USF2: variants seen among roughly 807,000 people sequenced by gnomAD.
USF2 encodes upstream stimulatory factor 2.
Under a neutral mutation model 46.9 loss-of-function variants are expected in USF2, and 16 were observed. The observed-to-expected ratio is 0.34, with a 90% CI of 0.23 to 0.52. The LOEUF (loss-of-function observed/expected upper bound fraction) is 0.52, where lower values mean the gene tolerates loss of function less well. Ranked by LOEUF, USF2 falls within the 20% of genes least tolerant of loss-of-function variation. The pLI, the probability that USF2 is intolerant of heterozygous loss-of-function variation, is 0.96. For missense variants in USF2, 411 were observed against 474.0 expected, an observed-to-expected ratio of 0.87 and a Z score of 1.23; for synonymous variants, 239 against 194.1, an observed-to-expected ratio of 1.23 and a Z score of -1.92.
At chr19:35,269,347 A>G (rs1220938350) in intron 1 of USF2, 99 bp from the exon 2 acceptor site, 4 of 1,017,506 alleles carry the variant, frequency 3.9e-6, no homozygotes, top group Non-Finnish European at 4.8e-6. Flanking sequence ...CCCCGGCCTC[A>G]GGCGCGGCCG....
At position 35,279,253 on chromosome 19, in the gene USF2, G is replaced by A. The variant is rs777016544; in HGVS notation, c.1038G>A (p.Gln346=). The change falls in exon 10 of 10, where the codon CAG becomes CAA. Residue 346 remains glutamine (Q), a synonymous_variant. Coordinates refer to ENST00000222305, the MANE Select transcript of USF2 (RefSeq NM_003367.4). ...NLEMVGEGTR[Q] ...AGATGGTGGGCGAGGGCACCCGGCA[G>A]TGACGCCCGCCACCACCACGCAGCC... The A allele has an allele frequency of 1.3e-6, 2 of 1,524,712 alleles. No homozygotes were observed. Among genetic ancestry groups the A allele is most frequent in the South Asian group, 2.5e-5 (2 of 79,606 alleles). 94.4% of individuals were successfully genotyped at this position (1,524,712 alleles called of 1,614,324 possible).
Position 35,279,426 on chromosome 19 carries a change from A to C in USF2, c.*170A>C. The C allele has an allele frequency of 1.4e-6, 1 of 696,560 alleles. No homozygotes were observed. The allele number at this position is 696,560 out of a possible 1,614,324, so 43.1% of individuals were successfully genotyped here. ...ATGCATTTCTGTGGATACAGTGCCC[A>C]CCGCCCTCCTCCACTTGGAAACGGT... On this transcript the variant is annotated 3_prime_UTR_variant, in exon 10 of 10. Coordinates refer to ENST00000222305, the MANE Select transcript of USF2 (RefSeq NM_003367.4).
In USF2 at chr19:35,269,782, C is replaced by T. The variant is rs770346399; in HGVS notation, c.229-21C>T. ...GGACCTGGCCCCAGCGCCGGCCTCG[C>T]CGCTCTGCCGCCCCCTGCAGGTGAC... On this transcript the variant is annotated intron_variant, in intron 3 of 9. Coordinates refer to ENST00000222305, the MANE Select transcript of USF2 (RefSeq NM_003367.4). 52 of 1,489,562 alleles carry T rather than the reference C, an allele frequency of 3.5e-5. No individual in the cohort carries two copies. The East Asian group carries it at 4.7e-4, about 13-fold the overall frequency. 92.3% of individuals were successfully genotyped at this position (1,489,562 alleles called of 1,614,324 possible).
At chr19:35,270,986 C>T (rs747545252) in intron 6 of USF2, 97 bp from the exon 7 acceptor site, 17 of 1,530,790 alleles carry the variant, frequency 1.1e-5, no homozygotes, top group African/African-American at 2.8e-5. Context: ...GATGGATTTA[C>T]CTTGCAAAGA....
intron 4 of USF2, chr19:35,270,213 T>C: frequency 1.2e-6 from 1 of 854,534 alleles, no homozygotes; most frequent in Non-Finnish European, 1.7e-6. Context: ...ATGGGAATGA[T>C]GTGTCTTAAG....
At chr19:35,271,881 G>A (rs2066161643) in intron 7 of USF2, among the ~76,000 whole-genome samples, 2 of 152,196 alleles carry the variant, frequency 1.3e-5, no homozygotes, top group African/African-American at 2.4e-5. Context: ...ATGTCTCATG[G>A]GTCTCATGGG....
At chr19:35,276,786 G>A (rs185006614) in intron 7 of USF2, among the ~76,000 whole-genome samples, 62 of 152,224 alleles carry the variant, frequency 4.1e-4, no homozygotes, top group Middle Eastern at 3.4e-3. Context: ...TGGCGTTCCC[G>A]AGGCACTTTG....
At chr19:35,270,039 G>A (rs2066126904) in intron 4 of USF2, 36 bp downstream of exon 4, 2 of 1,348,578 alleles carry the variant, frequency 1.5e-6, no homozygotes, top group Admixed American at 7.8e-5. Context: ...GGGGGGGGAG[G>A]GAGTGGAGAG....
In USF2 at chr19:35,269,600, G is replaced by A. The variant is rs1231705288; in HGVS notation, c.129G>A (p.Ala43=). The A allele has an allele frequency of 1.9e-6, 3 of 1,594,432 alleles. No individual in the cohort carries two copies. The highest frequency in any genetic ancestry group is 1.7e-5 in the Admixed American group (1 of 58,638). Residue 43 remains alanine, a synonymous_variant, in exon 3 of 10, where the codon GCG becomes GCA. Coordinates refer to ENST00000222305, the MANE Select transcript of USF2 (RefSeq NM_003367.4). The part of the protein sequence containing the change: ...ELQEGGDGPG[A]EEQTAVAITS... ...CCCCAGGCGGGGACGGCCCAGGAGC[G>A]GAGGAGCAGACAGCGGTGGCCATCA...
At chr19:35,275,369 A>G (rs1047905839) in intron 7 of USF2, 1 of 150,396 alleles carries the variant, frequency 6.6e-6, no homozygotes, top group Non-Finnish European at 1.5e-5. Flanking sequence ...TTTGGATTCA[A>G]TTTGCTAGGT....
intron 7 of USF2, chr19:35,275,082 A>G (rs1279534557): frequency 6.6e-6 from 1 of 152,050 alleles, no homozygotes; most frequent in African/African-American, 2.4e-5. Flanking sequence ...TTGTTTTGAG[A>G]TGGAATCTCG....
At chr19:35,277,252 G>A (rs73030000) in intron 7 of USF2, 17,458 of 152,510 alleles carry the variant, frequency 0.11, 1,246 homozygotes, top group South Asian at 0.22. Flanking sequence ...GGCCTGGACC[G>A]TGCTCCATAG....
In USF2 at chr19:35,279,313, C is replaced by T; in HGVS notation, c.*57C>T. 2 of 1,442,382 alleles carry T rather than the reference C, an allele frequency of 1.4e-6. No individual in the cohort carries two copies. The highest frequency in any genetic ancestry group is 1.8e-6 in the Non-Finnish European group (2 of 1,097,178). 89.3% of individuals were successfully genotyped at this position (1,442,382 alleles called of 1,614,324 possible). A position where few individuals can be genotyped will look rare whatever the true frequency, so the allele number is the denominator to read the frequency against. On this transcript the variant is annotated 3_prime_UTR_variant, in exon 10 of 10. Coordinates refer to ENST00000222305, the MANE Select transcript of USF2 (RefSeq NM_003367.4). ...CACGCCGGCCTCTGCTGCCCCCTTCCCCAGCCCTTAGCACAGAGAGGGACA... is the reference window on the plus strand; with the variant it reads ...CACGCCGGCCTCTGCTGCCCCCTTCTCCAGCCCTTAGCACAGAGAGGGACA...
intron 4 of USF2, 120 bp from the exon 5 acceptor site, chr19:35,270,327 A>G (rs2066132680): frequency 7.1e-7 from 1 of 1,415,246 alleles, no homozygotes; most frequent in Non-Finnish European, 9.5e-7. Flanking sequence ...TGCTACACGC[A>G]GAAGGAGTCC....
intron 1 of USF2, 49 bp from the exon 2 acceptor site, chr19:35,269,397 G>GCGCGGGCGCGGGC: frequency 7.5e-7 from 1 of 1,332,066 alleles, no homozygotes; most frequent in Non-Finnish European, 9.6e-7. Flanking sequence ...GGGGGCGGGG[G>GCGCGGGCGCGGGC]CGCGGGCGCG....
At chr19:35,276,354 C>T (rs1482034514) in intron 7 of USF2, among the ~76,000 whole-genome samples, 3 of 152,164 alleles carry the variant, frequency 2.0e-5, no homozygotes, top group African/African-American at 7.2e-5. Flanking sequence ...TGAGCCACCC[C>T]ACCCAGCTTC....
In USF2 at chr19:35,269,029, CCCCTCCCCTCCCT is replaced by C. The variant is rs1232409468; in HGVS notation, c.-60_-48del. 4.7e-5 allele frequency: 5 copies of C among 107,404 alleles called. No homozygotes were observed. The highest frequency in any genetic ancestry group is 8.0e-5 in the Non-Finnish European group (4 of 50,000). The allele number at this position is 107,404 out of a possible 1,614,324, so 6.7% of individuals were successfully genotyped here. A position where few individuals can be genotyped will look rare whatever the true frequency, so the allele number is the denominator to read the frequency against. ...GCTCGGGGCCCCCCCGGCCGCCCGC[CCCCTCCCCTCCCT>C]CCCTCCCCTCCCCTCCCCTCCCCCC... On this transcript the variant is annotated 5_prime_UTR_variant, in exon 1 of 10. Coordinates refer to ENST00000222305, the MANE Select transcript of USF2 (RefSeq NM_003367.4).
Position 35,269,484 on chromosome 19 carries a change from T to C in USF2, c.101T>C (p.Leu34Pro). The change falls in exon 2 of 10, where the codon CTG (leucine) becomes CCG (proline). Residue 34 changes from leucine (L) to proline (P), a missense_variant. Coordinates refer to ENST00000222305, the MANE Select transcript of USF2 (RefSeq NM_003367.4). Reference sequence around the variant, plus strand: ...CCCGAGGCGGAGGAGGGCGTCGAGCTGCAGGAAGGTGAGTGCTTGCCGGGC... The same window carrying C: ...CCCGAGGCGGAGGAGGGCGTCGAGCCGCAGGAAGGTGAGTGCTTGCCGGGC... ...KGPEAEEGVE[L>P]QEGGDGPGAE... The C allele has an allele frequency of 6.4e-7, 1 of 1,551,954 alleles. No individual in the cohort carries two copies. The highest frequency in any genetic ancestry group is 8.7e-7 in the Non-Finnish European group (1 of 1,156,038).
chr19:35,274,008 T>A (rs2066197005), intron 7 of USF2, among the ~76,000 whole-genome samples: 1 of 152,206 alleles, frequency 6.6e-6, no homozygotes, highest in African/African-American at 2.4e-5. Context: ...CACAAAAAGT[T>A]GAGGACTGTT....
Sources: gnomAD v4.1 joint callset for allele counts (sites outside exome capture counted in the v4.1 genomes callset) on GRCh38, gnomAD v4.1.1 for gene constraint, MANE v1.5 for transcripts, NCBI Gene and HGNC (gene_info 2026-07-23, HGNC 2026-07-21) for gene names.